The following TSPAN9 variants were observed in gnomAD, a reference collection of about 807,000 sequenced individuals.
TSPAN9 encodes the protein tetraspanin-9.
A neutral mutation model predicts 31.0 loss-of-function variants in TSPAN9; 16 were observed. The ratio of observed to expected loss-of-function variants is 0.52; its 90% CI spans 0.35 to 0.78. TSPAN9 has a LOEUF of 0.78. TSPAN9 is among the 30% of genes least tolerant of loss of function. The pLI is 0.01. For synonymous variants in TSPAN9, 145 were observed against 121.6 expected, an observed-to-expected ratio of 1.19 and a Z score of -1.27; for missense variants, 272 against 312.5, an observed-to-expected ratio of 0.87 and a Z score of 0.98.
intron 3 of TSPAN9, among the ~76,000 whole-genome samples, chr12:3,231,219 G>T (rs2153976079): frequency 6.6e-6 from 1 of 152,304 alleles, no homozygotes; most frequent in East Asian, 1.9e-4. Flanking sequence ...AATGAGAGAG[G>T]CAGGGGAGAA....
chr12:3,228,211 A>G (rs997955456), intron 3 of TSPAN9, among the ~76,000 whole-genome samples: 1 of 152,108 alleles, frequency 6.6e-6, no homozygotes, highest in African/African-American at 2.4e-5. Flanking sequence ...AATTAGCCAA[A>G]TGTGGTGGCA....
At chr12:3,260,723 T>C (rs1862432698) in intron 3 of TSPAN9, among the ~76,000 whole-genome samples, 1 of 151,746 alleles carries the variant, frequency 6.6e-6, no homozygotes, top group Non-Finnish European at 1.5e-5. Context: ...AATACAGAGG[T>C]GGAGGGGCAG....
chr12:3,116,130 A>G (rs1485980763), intron 2 of TSPAN9, among the ~76,000 whole-genome samples: 2 of 152,220 alleles, frequency 1.3e-5, no homozygotes, highest in East Asian at 1.9e-4. Context: ...TGGGAAAACA[A>G]CTTGATCCCT....
intron 2 of TSPAN9, among the ~76,000 whole-genome samples, chr12:3,199,412 C>G (rs571247226): frequency 1.3e-3 from 195 of 152,342 alleles, no homozygotes; most frequent in Non-Finnish European, 2.0e-3. Context: ...TGTGGTGTCC[C>G]GGTCGGCAAT....
At chr12:3,110,107 C>T (rs1048001182) in intron 2 of TSPAN9, among the ~76,000 whole-genome samples, 1 of 132,168 alleles carries the variant, frequency 7.6e-6, no homozygotes, top group Non-Finnish European at 1.6e-5. Context: ...CCTCCTCCAC[C>T]TCAGCACAAG....
Position 3,183,213 on chromosome 12 carries a change from C to T in TSPAN9, c.-17-17964C>T, listed in dbSNP as rs1321648021. ...TTCATGCTGCTTCTTCCTTTCCTTTCTCTTCCACTGCATCCCTCTGTGCTA... is the reference window on the plus strand; with the variant it reads ...TTCATGCTGCTTCTTCCTTTCCTTTTTCTTCCACTGCATCCCTCTGTGCTA... On this transcript the variant is annotated intron_variant, in intron 2 of 8. Coordinates refer to ENST00000011898, the MANE Select transcript of TSPAN9 (RefSeq NM_006675.5). Among the ~76,000 whole-genome samples the T allele has an allele frequency of 2.0e-5, 3 of 152,322 alleles. No homozygotes were observed. In the East Asian group the frequency reaches 5.8e-4, roughly 29 times the overall value.
At chr12:3,232,366 G>C (rs2098391192) in intron 3 of TSPAN9, among the ~76,000 whole-genome samples, 1 of 151,858 alleles carries the variant, frequency 6.6e-6, no homozygotes, top group Non-Finnish European at 1.5e-5. Context: ...ACCCCACTAA[G>C]AGATAAGGAG....
intron 2 of TSPAN9, among the ~76,000 whole-genome samples, chr12:3,134,740 C>T (rs534387011): frequency 2.0e-5 from 3 of 152,224 alleles, no homozygotes; most frequent in African/African-American, 7.2e-5. Context: ...GCCTGGAGAG[C>T]CAGCTGCTCT....
chr12:3,252,386 A>G (rs1484171726), intron 3 of TSPAN9, among the ~76,000 whole-genome samples: 3 of 152,206 alleles, frequency 2.0e-5, no homozygotes, highest in Admixed American at 6.5e-5. Flanking sequence ...GGCACGCAGG[A>G]ATGTTCATCC....
chr12:3,105,792 TCACGCACACATGCGCACA>T (rs2153964796), intron 2 of TSPAN9, among the ~76,000 whole-genome samples: 1 of 100,312 alleles, frequency 1.0e-5, no homozygotes, highest in East Asian at 3.2e-4. Context: ...TCATACACAC[TCACGCACACATGCGCACA>T]CACGCACACG....
chr12:3,174,644 G>A (rs986658769), intron 2 of TSPAN9, among the ~76,000 whole-genome samples: 3 of 152,166 alleles, frequency 2.0e-5, no homozygotes, highest in South Asian at 4.2e-4. Context: ...GGGCAGTGGC[G>A]CGATCTCCGC....
chr12:3,193,592 G>A (rs976474886), intron 2 of TSPAN9, among the ~76,000 whole-genome samples: 9 of 152,168 alleles, frequency 5.9e-5, no homozygotes, highest in Non-Finnish European at 1.0e-4. Context: ...GACCGTAGCC[G>A]GGGGGCAGCT....
chr12:3,132,494 T>G (rs1410901990), intron 2 of TSPAN9, among the ~76,000 whole-genome samples: 2 of 152,092 alleles, frequency 1.3e-5, no homozygotes, highest in African/African-American at 2.4e-5. Context: ...TTACTGTGCT[T>G]TGATTTGCAT....
Position 3,142,078 on chromosome 12 carries a change from C to T in TSPAN9, c.-18+58359C>T, listed in dbSNP as rs147917047. 3.5e-3 allele frequency among the ~76,000 whole-genome samples: 532 copies of T among 152,266 alleles called. 2 individuals are homozygous for T. Among genetic ancestry groups the T allele is most frequent in the African/African-American group, 0.012 (515 of 41,546 alleles). On this transcript the variant is annotated intron_variant, in intron 2 of 8. Coordinates refer to ENST00000011898, the MANE Select transcript of TSPAN9 (RefSeq NM_006675.5). ...CACAGGAATCCTGTGTGACAGGTGC[C>T]TTCTATGGAGGAGGAGACCAAGGCA... is the stretch of plus-strand genomic sequence containing the variant.
intron 1 of TSPAN9, among the ~76,000 whole-genome samples, chr12:3,080,812 T>C (rs1286836324): frequency 6.6e-6 from 1 of 152,234 alleles, no homozygotes. Context: ...CTATTCTGTC[T>C]GTTTAGTGTG....
At chr12:3,081,791 C>G (rs2098297943) in intron 1 of TSPAN9, among the ~76,000 whole-genome samples, 1 of 143,840 alleles carries the variant, frequency 7.0e-6, no homozygotes, top group Admixed American at 7.0e-5. Context: ...CATAGTGAGG[C>G]CTCTGTATCT....
chr12:3,239,420 CTTGGTCTTAACTT>C (rs1370416523), intron 3 of TSPAN9, among the ~76,000 whole-genome samples: 2 of 152,198 alleles, frequency 1.3e-5, no homozygotes, highest in African/African-American at 4.8e-5. Context: ...TCTTTCCCCT[CTTGGTCTTAACTT>C]TTACCCTCAT....
At chr12:3,137,093 A>G (rs562045627) in intron 2 of TSPAN9, among the ~76,000 whole-genome samples, 5 of 152,298 alleles carry the variant, frequency 3.3e-5, no homozygotes, top group Admixed American at 2.6e-4. Flanking sequence ...CCTCTTTCCA[A>G]TTGGACCTTC....
chr12:3,174,868 C>T (rs2098354515), intron 2 of TSPAN9, among the ~76,000 whole-genome samples: 1 of 152,186 alleles, frequency 6.6e-6, no homozygotes, highest in Non-Finnish European at 1.5e-5. Flanking sequence ...AGGCGTGAGC[C>T]ACCGCACCCG....
Sources: gnomAD v4.1 joint callset for allele counts (sites outside exome capture counted in the v4.1 genomes callset) on GRCh38, gnomAD v4.1.1 for gene constraint, MANE v1.5 for transcripts, NCBI Gene and HGNC (gene_info 2026-07-23, HGNC 2026-07-21) for gene names.